Variants in FAM135B observed in about 807,000 individuals in gnomAD.
The protein encoded by FAM135B is family with sequence similarity 135 member B.
Under a neutral mutation model 127.7 loss-of-function variants are expected in FAM135B, and 43 were observed. That is an observed-to-expected ratio of 0.34 (90% confidence interval 0.26 to 0.43). The LOEUF (loss-of-function observed/expected upper bound fraction) is 0.43. FAM135B is among the 20% of genes least tolerant of loss of function. The pLI, the probability that FAM135B is intolerant of heterozygous loss-of-function variation, is 1.00. For missense variants in FAM135B, 1,558 were observed against 1,725.6 expected, an observed-to-expected ratio of 0.90 and a Z score of 1.72; for synonymous variants, 670 against 665.1, an observed-to-expected ratio of 1.01 and a Z score of -0.11.
rs567655373 is a variant in FAM135B, at chr8:138,161,982, T to A, written c.1258+5913A>T. Among the ~76,000 whole-genome samples the A allele has an allele frequency of 3.9e-5, 6 of 152,308 alleles. No individual in the cohort carries two copies. In the East Asian group the frequency reaches 1.2e-3, roughly 29 times the overall value. On this transcript the variant is annotated intron_variant, in intron 12 of 19. Coordinates refer to ENST00000395297, the MANE Select transcript of FAM135B (RefSeq NM_015912.4). ...GTGATGAATTGAGAATAGAACAGAA[T>A]TCCAACAAAACAAATAATAATAAGC... is the stretch of plus-strand genomic sequence containing the variant.
chr8:138,285,921 G>T (rs1824648390), intron 3 of FAM135B, among the ~76,000 whole-genome samples: 1 of 152,184 alleles, frequency 6.6e-6, no homozygotes, highest in Non-Finnish European at 1.5e-5. Flanking sequence ...CCGCCTATCT[G>T]TCCATTGGCT....
intron 12 of FAM135B, among the ~76,000 whole-genome samples, chr8:138,163,582 G>GA (rs1398762304): frequency 1.3e-5 from 2 of 152,070 alleles, no homozygotes; most frequent in African/African-American, 4.8e-5. Flanking sequence ...TTTATAAAGG[G>GA]AAAACCCTTT....
intron 1 of FAM135B, among the ~76,000 whole-genome samples, chr8:138,481,657 C>A (rs1043911351): frequency 2.0e-5 from 3 of 152,192 alleles, no homozygotes; most frequent in African/African-American, 7.2e-5. Flanking sequence ...ACACAGCCAG[C>A]CTTTGGTCAT....
intron 1 of FAM135B, among the ~76,000 whole-genome samples, chr8:138,389,074 T>C (rs977451340): frequency 6.6e-6 from 1 of 152,156 alleles, no homozygotes; most frequent in African/African-American, 2.4e-5. Context: ...AAAAATAAAG[T>C]CTTTTCACAT....
In FAM135B at chr8:138,242,852, A is replaced by C. The variant is rs1283295007; in HGVS notation, c.669+90T>G. ...AAATTAGCAAAAATCTCTGAAGGGG[A>C]TGTTTCAAAGAAGCATGAATCTCAT... On this transcript the variant is annotated intron_variant, in intron 7 of 19. Coordinates refer to ENST00000395297, the MANE Select transcript of FAM135B (RefSeq NM_015912.4). The surrounding 1 kb of genome is among the most constrained non-coding windows in gnomAD (Gnocchi z 9.6). 4 of 1,483,484 alleles carry C rather than the reference A, an allele frequency of 2.7e-6. No homozygotes were observed. The highest frequency in any genetic ancestry group is 3.6e-6 in the Non-Finnish European group (4 of 1,111,294). The allele number at this position is 1,483,484 out of a possible 1,614,324, so 91.9% of individuals were successfully genotyped here.
intron 11 of FAM135B, among the ~76,000 whole-genome samples, chr8:138,171,681 G>A (rs6999511): frequency 0.11 from 16,312 of 152,114 alleles, 1,908 homozygotes; most frequent in African/African-American, 0.28. Flanking sequence ...GGAAGGTCCC[G>A]AGCACTTTTT....
At chr8:138,267,001 C>A (rs564112809) in intron 3 of FAM135B, among the ~76,000 whole-genome samples, 2 of 152,154 alleles carry the variant, frequency 1.3e-5, no homozygotes, top group Non-Finnish European at 2.9e-5. Context: ...AAATTTTACA[C>A]CAGATGAAGA....
intron 1 of FAM135B, among the ~76,000 whole-genome samples, chr8:138,486,977 T>A (rs77685688): frequency 2.0e-4 from 31 of 152,164 alleles, no homozygotes; most frequent in Non-Finnish European, 3.8e-4. Context: ...TTTTTTTTTT[T>A]AATTATACTT....
intron 2 of FAM135B, among the ~76,000 whole-genome samples, chr8:138,344,600 G>C (rs1829283852): frequency 1.5e-5 from 1 of 64,762 alleles, no homozygotes; most frequent in Non-Finnish European, 2.9e-5. Flanking sequence ...TTTTGTTAAG[G>C]AGTCTCGCTC....
intron 3 of FAM135B, chr8:138,309,102 T>C (rs980917370): frequency 4.6e-5 from 19 of 411,164 alleles, no homozygotes; most frequent in African/African-American, 4.0e-4. Context: ...TGCATTTTTA[T>C]CCTCATATTT....
chr8:138,310,880 T>C lies in FAM135B; in HGVS notation c.118A>G (p.Ile40Val), dbSNP rs753681870. 6.2e-7 allele frequency: 1 copy of C among 1,613,900 alleles called. No homozygotes were observed. Among genetic ancestry groups the C allele is most frequent in the Non-Finnish European group, 8.5e-7 (1 of 1,179,958 alleles). ...IRVTLKVSSRIPHRLSASIAG... is the reference protein window; with the variant it reads ...IRVTLKVSSRVPHRLSASIAG... Reference sequence around the variant, plus strand: ...ATGGAGGCACTCAGTCTGTGGGGGATCCTTGAAGACACCTTCAAGGTCACT... The same window carrying C: ...ATGGAGGCACTCAGTCTGTGGGGGACCCTTGAAGACACCTTCAAGGTCACT... Residue 40 changes from isoleucine (I) to valine (V), a missense_variant, in exon 3 of 20, where the codon ATC (isoleucine) becomes GTC (valine). Physicochemically the swap from Ile to Val is conservative, Grantham distance 29 (BLOSUM62 3). Around this residue, in one of 5 missense-constraint regions of FAM135B, gnomAD observed 199 missense variants for 245.7 expected, o/e 0.81. Coordinates refer to ENST00000395297, the MANE Select transcript of FAM135B (RefSeq NM_015912.4).
chr8:138,260,481 T>G (rs917131360), intron 4 of FAM135B, among the ~76,000 whole-genome samples: 1 of 152,180 alleles, frequency 6.6e-6, no homozygotes, highest in Non-Finnish European at 1.5e-5. Flanking sequence ...GTGACTGTTC[T>G]TATAACTCAT....
At chr8:138,407,444 C>T (rs1286156649) in intron 1 of FAM135B, among the ~76,000 whole-genome samples, 18 of 152,206 alleles carry the variant, frequency 1.2e-4, no homozygotes, top group African/African-American at 3.1e-4. Context: ...GAGCCCACAT[C>T]GCCAAGTCAA....
chr8:138,202,477 C>T (rs1413178760), intron 7 of FAM135B, among the ~76,000 whole-genome samples: 1 of 152,120 alleles, frequency 6.6e-6, no homozygotes, highest in Non-Finnish European at 1.5e-5. Flanking sequence ...TTTTGAACTT[C>T]TGGGTTTAAG....
chr8:138,409,122 C>T (rs1312818380), intron 1 of FAM135B, among the ~76,000 whole-genome samples: 2 of 152,176 alleles, frequency 1.3e-5, no homozygotes, highest in Non-Finnish European at 2.9e-5. Flanking sequence ...TTAATCATTT[C>T]TAGCTTTTAG....
chr8:138,483,297 G>A (rs1814858787), intron 1 of FAM135B, among the ~76,000 whole-genome samples: 1 of 152,180 alleles, frequency 6.6e-6, no homozygotes, highest in African/African-American at 2.4e-5. Context: ...GAAGTACAGA[G>A]AGGCTGAGCA....
intron 1 of FAM135B, among the ~76,000 whole-genome samples, chr8:138,395,984 G>C (rs1327372460): frequency 6.6e-6 from 1 of 152,178 alleles, no homozygotes; most frequent in Non-Finnish European, 1.5e-5. Context: ...AGGAGTCTGG[G>C]CATCAGGGTT....
intron 7 of FAM135B, among the ~76,000 whole-genome samples, chr8:138,232,515 T>G (rs1240568994): frequency 2.0e-5 from 3 of 152,242 alleles, no homozygotes; most frequent in Non-Finnish European, 4.4e-5. Context: ...ATTGATGTAA[T>G]GCACCATTTA....
At chr8:138,222,252 G>T (rs1207296711) in intron 7 of FAM135B, among the ~76,000 whole-genome samples, 1 of 152,170 alleles carries the variant, frequency 6.6e-6, no homozygotes, top group Non-Finnish European at 1.5e-5. Flanking sequence ...GCAGGTAGTG[G>T]CAGATAAAAG....
Sources: allele counts gnomAD v4.1 joint callset (sites outside exome capture counted in the v4.1 genomes callset), GRCh38; gene constraint gnomAD v4.1.1; regional missense constraint gnomAD v4.1.1; non-coding constraint Gnocchi (gnomAD v3.1); transcripts MANE v1.5; gene names NCBI Gene and HGNC (gene_info 2026-07-23, HGNC 2026-07-21).